NFIB: variants seen among roughly 807,000 people sequenced by gnomAD.
NFIB encodes the protein nuclear factor 1 B-type.
Under a neutral mutation model 61.5 loss-of-function variants are expected in NFIB, and 11 were observed. That is an observed-to-expected ratio of 0.18 (90% CI 0.11 to 0.30). NFIB has a LOEUF of 0.30. Among genes scored for constraint, NFIB ranks in the 10% least tolerant of loss-of-function variants. NFIB has a pLI of 1.00. For synonymous variants in NFIB, 260 were observed against 216.5 expected (o/e 1.20, Z -1.76); for missense variants, 471 against 608.9 (o/e 0.77, Z 2.38).
chr9:14,371,643 C>T (rs1236206396), intron 1 of NFIB, among the ~76,000 whole-genome samples: 1 of 152,184 alleles, frequency 6.6e-6, no homozygotes, highest in Non-Finnish European at 1.5e-5. Flanking sequence ...AGTTGGGAAA[C>T]TTTACATAAG....
At chr9:14,178,633 CAT>C (rs1420985940) in intron 3 of NFIB, among the ~76,000 whole-genome samples, 1 of 151,942 alleles carries the variant, frequency 6.6e-6, no homozygotes, top group African/African-American at 2.4e-5. Context: ...AATAAAAAAA[CAT>C]AGGACTCAGA....
intron 2 of NFIB, among the ~76,000 whole-genome samples, chr9:14,228,002 T>G (rs1012161121): frequency 1.3e-5 from 2 of 152,174 alleles, no homozygotes; most frequent in African/African-American, 4.8e-5. Flanking sequence ...TTTAACTCAT[T>G]AATAATTCAT....
intron 1 of NFIB, among the ~76,000 whole-genome samples, chr9:14,366,941 C>T (rs1055387358): frequency 5.2e-4 from 79 of 152,260 alleles, no homozygotes; most frequent in African/African-American, 1.8e-3. Context: ...CCTCCTACTT[C>T]AGAGGGCCCT....
the NFIB span, among the ~76,000 whole-genome samples, chr9:14,510,429 C>T: frequency 6.6e-6 from 1 of 152,148 alleles, no homozygotes; most frequent in Admixed American, 6.5e-5. Context: ...TTGGCTAAAG[C>T]ATGTGTTTGT....
chr9:14,219,776 C>G (rs1371457599), intron 2 of NFIB, among the ~76,000 whole-genome samples: 7 of 152,144 alleles, frequency 4.6e-5, no homozygotes, highest in Non-Finnish European at 7.3e-5. Context: ...ATTAAGAGTT[C>G]TTCAGATGAC....
In NFIB at chr9:14,141,252, T is replaced by C. The variant is rs1174221400; in HGVS notation, c.925+5437A>G. Among the ~76,000 whole-genome samples, 3 of 152,200 alleles carry C rather than the reference T, an allele frequency of 2.0e-5. No individual in the cohort carries two copies. The East Asian group carries it at 5.8e-4, about 29-fold the overall frequency. On this transcript the variant is annotated intron_variant, in intron 6 of 10. Coordinates refer to ENST00000380953, the MANE Select transcript of NFIB (RefSeq NM_001190737.2). ...AAAGACTTAACTGAGAAGACATTTATATAACAGAACTGGAGACTTGTATAA... is the reference window on the plus strand; with the variant it reads ...AAAGACTTAACTGAGAAGACATTTACATAACAGAACTGGAGACTTGTATAA...
In NFIB at chr9:14,129,241, G is replaced by T. The variant is rs924418332; in HGVS notation, c.926-3475C>A. On this transcript the variant is annotated intron_variant, in intron 6 of 10. Transcript: ENST00000380953. ...TTTGCTTTAGAGACAGGTGAAGAACGGTAGTATCAGAATATAGGTTTAATT... is the reference window on the plus strand; with the variant it reads ...TTTGCTTTAGAGACAGGTGAAGAACTGTAGTATCAGAATATAGGTTTAATT... Among the ~76,000 whole-genome samples, 3 of 151,976 alleles carry T rather than the reference G, an allele frequency of 2.0e-5. No individual in the cohort carries two copies. The South Asian group carries it at 6.2e-4, about 31-fold the overall frequency.
chr9:14,483,020 AC>A, the NFIB span, among the ~76,000 whole-genome samples: 4 of 152,296 alleles, frequency 2.6e-5, no homozygotes, highest in South Asian at 2.1e-4. Flanking sequence ...ATGTTGCTGC[AC>A]CCAGACAATG....
chr9:14,364,956 C>A (rs2061282926), intron 1 of NFIB, among the ~76,000 whole-genome samples: 1 of 152,132 alleles, frequency 6.6e-6, no homozygotes, highest in Admixed American at 6.5e-5. Flanking sequence ...CACATCAACC[C>A]CATTTTGATC....
chr9:14,401,221 C>T (rs1245893044), upstream of NFIB, among the ~76,000 whole-genome samples: 1 of 152,188 alleles, frequency 6.6e-6, no homozygotes, highest in Non-Finnish European at 1.5e-5. Flanking sequence ...TCAGCAGTAC[C>T]ACACTAGGGA....
chr9:14,217,547 C>A (rs1219611061), intron 2 of NFIB, among the ~76,000 whole-genome samples: 1 of 150,968 alleles, frequency 6.6e-6, no homozygotes, highest in Non-Finnish European at 1.5e-5. Flanking sequence ...GTAATCCCAG[C>A]TACTTGGGAG....
chr9:14,228,464 C>G (rs2052721766), intron 2 of NFIB, among the ~76,000 whole-genome samples: 1 of 151,936 alleles, frequency 6.6e-6, no homozygotes, highest in Non-Finnish European at 1.5e-5. Flanking sequence ...CCAAAGCCTC[C>G]CAGAACCGCA....
At position 14,149,994 on chromosome 9, in the gene NFIB, A is replaced by C. The variant is rs76457858; in HGVS notation, c.806+151T>G. On this transcript the variant is annotated intron_variant, in intron 5 of 10. Coordinates refer to ENST00000380953, the MANE Select transcript of NFIB (RefSeq NM_001190737.2). ...ACATTTAATTTGTAACAGCCAAATA[A>C]ATTTAACCAGGAAAGATTAAAAATC... is the stretch of plus-strand genomic sequence containing the variant. The C allele has an allele frequency of 0.098, 114,393 of 1,170,278 alleles. 6,619 individuals are homozygous for C. The highest frequency in any genetic ancestry group is 0.12 in the Non-Finnish European group (98,359 of 837,460). The allele number at this position is 1,170,278 out of a possible 1,614,324, so 72.5% of individuals were successfully genotyped here. A position where few individuals can be genotyped will look rare whatever the true frequency, so the allele number is the denominator to read the frequency against.
At chr9:14,208,097 A>G (rs538136229) in intron 2 of NFIB, among the ~76,000 whole-genome samples, 2 of 152,348 alleles carry the variant, frequency 1.3e-5, no homozygotes, top group Non-Finnish European at 1.5e-5. Context: ...AAATAGTTTT[A>G]TACCCCAAAA....
At chr9:14,425,948 T>A in the NFIB span, among the ~76,000 whole-genome samples, 351 of 152,310 alleles carry the variant, frequency 2.3e-3, 3 homozygotes, top group African/African-American at 7.7e-3. Context: ...AAAACGAGTC[T>A]TCCTTGGAGA....
At chr9:14,378,450 G>A (rs1226525663) in intron 1 of NFIB, among the ~76,000 whole-genome samples, 2 of 152,092 alleles carry the variant, frequency 1.3e-5, no homozygotes, top group African/African-American at 2.4e-5. Context: ...TCCGCCTCCC[G>A]GGTTCAAGCG....
chr9:14,487,576 G>A, the NFIB span, among the ~76,000 whole-genome samples: 1 of 151,806 alleles, frequency 6.6e-6, no homozygotes, highest in South Asian at 2.1e-4. Flanking sequence ...AATTCTCAAA[G>A]AGAGATGATA....
the NFIB span, among the ~76,000 whole-genome samples, chr9:14,412,200 C>T: frequency 6.6e-6 from 1 of 152,192 alleles, no homozygotes. Flanking sequence ...CAATAAAGTA[C>T]TTACATATGG....
At chr9:14,387,886 C>T (rs1256907991) in intron 1 of NFIB, among the ~76,000 whole-genome samples, 2 of 152,064 alleles carry the variant, frequency 1.3e-5, no homozygotes, top group Non-Finnish European at 1.5e-5. Context: ...TGGGGTAAGC[C>T]GAGGAGGCTG....
Sources: allele counts gnomAD v4.1 joint callset (sites outside exome capture counted in the v4.1 genomes callset), GRCh38; gene constraint gnomAD v4.1.1; transcripts MANE v1.5; gene names NCBI Gene and HGNC (gene_info 2026-07-23, HGNC 2026-07-21).